The following GALNT13 variants were observed in gnomAD, a reference collection of about 807,000 sequenced individuals.
The protein encoded by GALNT13 is UDP-GalNAc:polypeptide N-acetylgalactosaminyltransferase 13.
GALNT13 carries 28 observed loss-of-function variants against 64.2 expected under a neutral mutation model. That is an observed-to-expected ratio of 0.44 (90% CI 0.32 to 0.60). The LOEUF is 0.60. GALNT13 is among the 20% of genes least tolerant of loss of function. The pLI is 0.05. For synonymous variants in GALNT13, 214 were observed against 224.6 expected, an observed-to-expected ratio of 0.95 and a Z score of 0.42; for missense variants, 577 against 669.8, an observed-to-expected ratio of 0.86 and a Z score of 1.53.
At chr2:153,586,917 C>T in the GALNT13 span, among the ~76,000 whole-genome samples, 13 of 152,172 alleles carry the variant, frequency 8.5e-5, no homozygotes, top group African/African-American at 3.1e-4. Flanking sequence ...AATTAACCTG[C>T]TCCTGAATGA....
At chr2:153,478,698 A>T in the GALNT13 span, 1 of 753,930 alleles carries the variant, frequency 1.3e-6, no homozygotes. Flanking sequence ...TCTGCTTTCG[A>T]AAGTCCCTGG....
the GALNT13 span, among the ~76,000 whole-genome samples, chr2:153,799,198 G>T: frequency 1.4e-4 from 21 of 152,114 alleles, no homozygotes; most frequent in East Asian, 1.9e-4. Context: ...TTAGTATTTG[G>T]TTTTTTTCTA....
chr2:153,125,949 A>C, the GALNT13 span, among the ~76,000 whole-genome samples: 4,296 of 152,230 alleles, frequency 0.028, 69 homozygotes, highest in South Asian at 0.043. Flanking sequence ...GAGAAAAAAG[A>C]AAAAATTAAA....
the GALNT13 span, among the ~76,000 whole-genome samples, chr2:153,095,614 A>G: frequency 1.3e-5 from 2 of 152,226 alleles, no homozygotes; most frequent in East Asian, 3.8e-4. Context: ...ACTATTCACA[A>G]TAGCAAAGAC....
chr2:153,102,881 G>T, the GALNT13 span, among the ~76,000 whole-genome samples: 4 of 152,102 alleles, frequency 2.6e-5, no homozygotes, highest in African/African-American at 9.7e-5. Flanking sequence ...AGGGATAATT[G>T]AAGTCTCCTG....
At chr2:153,487,798 C>T in the GALNT13 span, among the ~76,000 whole-genome samples, 1,768 of 152,258 alleles carry the variant, frequency 0.012, 13 homozygotes, top group South Asian at 0.024. Flanking sequence ...GGAGTATTGA[C>T]TATTACAAGT....
chr2:153,338,213 A>T, the GALNT13 span, among the ~76,000 whole-genome samples: 2 of 152,156 alleles, frequency 1.3e-5, no homozygotes, highest in Non-Finnish European at 2.9e-5. Flanking sequence ...GGATCAACTG[A>T]GCCCAGAAGA....
At chr2:153,406,545 T>C in the GALNT13 span, among the ~76,000 whole-genome samples, 1 of 151,970 alleles carries the variant, frequency 6.6e-6, no homozygotes, top group Non-Finnish European at 1.5e-5. Context: ...GTAGCTGGGA[T>C]TATAGGAATG....
chr2:154,306,622 G>GGGA, intron 9 of GALNT13, among the ~76,000 whole-genome samples: 1 of 150,008 alleles, frequency 6.7e-6, no homozygotes. Context: ...ATTTGGTGGG[G>GGGA]GGGGGGTCAA....
At chr2:153,745,335 G>A in the GALNT13 span, among the ~76,000 whole-genome samples, 5 of 152,242 alleles carry the variant, frequency 3.3e-5, no homozygotes, top group East Asian at 3.9e-4. Flanking sequence ...CAGGACTTAC[G>A]AAACTACTTA....
chr2:153,471,790 G>T, the GALNT13 span, among the ~76,000 whole-genome samples: 2 of 152,146 alleles, frequency 1.3e-5, no homozygotes, highest in East Asian at 3.8e-4. Flanking sequence ...AGATACAGAT[G>T]TATTGTAAGA....
chr2:154,209,317 A>G (rs2105796460), intron 4 of GALNT13, among the ~76,000 whole-genome samples: 1 of 152,248 alleles, frequency 6.6e-6, no homozygotes, highest in African/African-American at 2.4e-5. Context: ...TCAGTGGAGA[A>G]TGTAATGAAA....
chr2:153,526,488 A>C, the GALNT13 span, among the ~76,000 whole-genome samples: 1 of 152,236 alleles, frequency 6.6e-6, no homozygotes, highest in Non-Finnish European at 1.5e-5. Context: ...AATCAGTGTT[A>C]CTAGGCTTGG....
chr2:153,387,207 A>G, the GALNT13 span, among the ~76,000 whole-genome samples: 2,438 of 152,248 alleles, frequency 0.016, 27 homozygotes, highest in South Asian at 0.022. Context: ...GTGAAACTCT[A>G]TGAAGATCTA....
At chr2:154,161,243 A>G (rs1333561964) in intron 4 of GALNT13, among the ~76,000 whole-genome samples, 1 of 152,208 alleles carries the variant, frequency 6.6e-6, no homozygotes, top group Non-Finnish European at 1.5e-5. Context: ...TGGTTCAACA[A>G]CTGTATTCCC....
At chr2:153,282,656 T>C in the GALNT13 span, among the ~76,000 whole-genome samples, 1 of 152,278 alleles carries the variant, frequency 6.6e-6, no homozygotes, top group Non-Finnish European at 1.5e-5. Flanking sequence ...GCTCAAGCAG[T>C]TTGCCTACCT....
chr2:153,275,628 TTC>T, the GALNT13 span, among the ~76,000 whole-genome samples: 50,934 of 151,930 alleles, frequency 0.34, 8,737 homozygotes, highest in Middle Eastern at 0.51. Context: ...GTCTCTCTCT[TTC>T]TCTCTCATGA....
At chr2:153,994,283 A>AT (rs1464607778) in intron 3 of GALNT13, among the ~76,000 whole-genome samples, 1 of 152,208 alleles carries the variant, frequency 6.6e-6, no homozygotes, top group Non-Finnish European at 1.5e-5. Context: ...TCCATGGCAT[A>AT]TATGTGCCAC....
At chr2:154,008,817 C>G (rs34621232) in intron 3 of GALNT13, among the ~76,000 whole-genome samples, 1 of 151,950 alleles carries the variant, frequency 6.6e-6, no homozygotes, top group African/African-American at 2.4e-5. Context: ...TATCTATATA[C>G]CTCATTTTAT....
Sources: allele counts gnomAD v4.1 joint callset (sites outside exome capture counted in the v4.1 genomes callset), GRCh38; gene constraint gnomAD v4.1.1; transcripts MANE v1.5; gene names NCBI Gene and HGNC (gene_info 2026-07-23, HGNC 2026-07-21).